The following PAMR1 variants were observed in gnomAD, a reference collection of about 807,000 sequenced individuals.
PAMR1 encodes the protein inactive serine protease PAMR1.
In PAMR1, 88 loss-of-function variants were observed where a neutral mutation model predicts 81.8. The ratio of observed to expected loss-of-function variants is 1.08; its 90% confidence interval spans 0.91 to 1.28. PAMR1 has a LOEUF of 1.28. Among genes scored for constraint, PAMR1 ranks in the 50% most tolerant of loss-of-function variants. The pLI, the probability that PAMR1 is intolerant of heterozygous loss-of-function variation, is 0.00. For missense variants in PAMR1, 935 were observed against 919.7 expected (o/e 1.02, Z -0.21); for synonymous variants, 336 against 345.3 (o/e 0.97, Z 0.30).
intron 1 of PAMR1, among the ~76,000 whole-genome samples, chr11:35,514,541 C>T (rs1377262864): frequency 6.6e-6 from 1 of 152,192 alleles, no homozygotes; most frequent in Non-Finnish European, 1.5e-5. Flanking sequence ...CTTGAAGGTG[C>T]CCCCAGTTGC....
At chr11:35,445,637 T>C (rs1390079971) in intron 6 of PAMR1, among the ~76,000 whole-genome samples, 1 of 152,240 alleles carries the variant, frequency 6.6e-6, no homozygotes, top group Non-Finnish European at 1.5e-5. Flanking sequence ...ATTATGTTTA[T>C]TGATTTGCAG....
chr11:35,505,972 C>T (rs900927223), intron 1 of PAMR1, among the ~76,000 whole-genome samples: 6 of 151,710 alleles, frequency 4.0e-5, no homozygotes, highest in South Asian at 2.1e-4. Context: ...GGGTTATTCT[C>T]GGGTAGTATG....
chr11:35,526,668 C>A (rs642410), upstream of PAMR1, among the ~76,000 whole-genome samples: 63,799 of 152,040 alleles, frequency 0.42, 13,607 homozygotes, highest in South Asian at 0.51. Context: ...TGAACCCGGG[C>A]AGCTTAGGCC....
At chr11:35,451,490 C>G (rs951931897) in intron 6 of PAMR1, among the ~76,000 whole-genome samples, 2 of 152,102 alleles carry the variant, frequency 1.3e-5, no homozygotes, top group Non-Finnish European at 2.9e-5. Context: ...GTAGTATTTC[C>G]TTCCTCACAA....
At chr11:35,469,891 G>A (rs12795640) in intron 5 of PAMR1, among the ~76,000 whole-genome samples, 17,073 of 152,116 alleles carry the variant, frequency 0.11, 1,085 homozygotes, top group Non-Finnish European at 0.16. Context: ...TGGGGTGATT[G>A]CTTAGGATTA....
chr11:35,481,140 A>G (rs1850382972), intron 3 of PAMR1, among the ~76,000 whole-genome samples: 1 of 152,138 alleles, frequency 6.6e-6, no homozygotes, highest in South Asian at 2.1e-4. Context: ...TGTCTTTGCT[A>G]TTGTAAATAG....
intron 1 of PAMR1, among the ~76,000 whole-genome samples, chr11:35,518,499 C>T (rs1030899448): frequency 6.6e-6 from 1 of 151,380 alleles, no homozygotes; most frequent in South Asian, 2.1e-4. Context: ...CAGAGTTTTC[C>T]AAGCTGTATT....
intron 1 of PAMR1, among the ~76,000 whole-genome samples, chr11:35,508,597 T>C (rs964213300): frequency 2.7e-5 from 4 of 150,510 alleles, no homozygotes; most frequent in African/African-American, 9.8e-5. Flanking sequence ...AGGTAAACTA[T>C]GTATCATGCA....
At chr11:35,481,387 T>G (rs1232282959) in intron 3 of PAMR1, among the ~76,000 whole-genome samples, 1 of 152,256 alleles carries the variant, frequency 6.6e-6, no homozygotes, top group Non-Finnish European at 1.5e-5. Context: ...GACTTTTTAA[T>G]AATCACCATT....
Position 35,432,377 on chromosome 11 carries a change from C to T in PAMR1, c.2142G>A (p.Trp714Ter). The change falls in exon 11 of 11, where the codon TGG (tryptophan) becomes TGA (stop). Residue 714 changes from tryptophan (W) to a stop codon, truncating the protein, a stop_gained. Coordinates refer to ENST00000619888, the MANE Select transcript of PAMR1 (RefSeq NM_001001991.3). LOFTEE classifies it high-confidence loss of function. ...AFTKVLPFKD[W>*]IERNMK ...TGGTTCATTTCATATTTCTTTCAATCCAGTCTTTAAAAGGCAGCACCTTGG... is the reference window on the plus strand; with the variant it reads ...TGGTTCATTTCATATTTCTTTCAATTCAGTCTTTAAAAGGCAGCACCTTGG... 6.2e-7 allele frequency: 1 copy of T among 1,612,526 alleles called. No homozygotes were observed. The highest frequency in any genetic ancestry group is 8.5e-7 in the Non-Finnish European group (1 of 1,179,870).
At chr11:35,474,878 T>C in intron 3 of PAMR1, 134 bp from the exon 4 acceptor site, 1 of 612,170 alleles carries the variant, frequency 1.6e-6, no homozygotes, top group South Asian at 2.0e-5. Context: ...AAGAAGGAAA[T>C]TAATGTTTCT....
At chr11:35,514,794 T>C (rs1017911785) in intron 1 of PAMR1, among the ~76,000 whole-genome samples, 1 of 152,170 alleles carries the variant, frequency 6.6e-6, no homozygotes, top group Non-Finnish European at 1.5e-5. Context: ...GAGACCAGCC[T>C]GGGCAACATA....
At chr11:35,469,712 C>G (rs560985171) in intron 5 of PAMR1, among the ~76,000 whole-genome samples, 2 of 152,290 alleles carry the variant, frequency 1.3e-5, no homozygotes, top group Admixed American at 6.5e-5. Context: ...ATTCAGCCAC[C>G]CACCTTCTTT....
chr11:35,471,696 G>C (rs1367061974), intron 4 of PAMR1, among the ~76,000 whole-genome samples: 3 of 152,134 alleles, frequency 2.0e-5, no homozygotes, highest in African/African-American at 7.2e-5. Context: ...TGAAAACACT[G>C]AGATACACCA....
At chr11:35,463,167 G>A (rs940701512) in intron 6 of PAMR1, among the ~76,000 whole-genome samples, 38 of 152,276 alleles carry the variant, frequency 2.5e-4, no homozygotes, top group African/African-American at 3.4e-4. Flanking sequence ...GATGAGAAGC[G>A]CGGGTCTCCC....
At chr11:35,488,952 A>T (rs1196393757) in intron 3 of PAMR1, among the ~76,000 whole-genome samples, 2 of 152,082 alleles carry the variant, frequency 1.3e-5, no homozygotes, top group African/African-American at 4.8e-5. Context: ...TACTGCCTTC[A>T]TCCTATGTGA....
intron 1 of PAMR1, among the ~76,000 whole-genome samples, chr11:35,498,044 C>T (rs1850759708): frequency 6.6e-6 from 1 of 152,150 alleles, no homozygotes; most frequent in South Asian, 2.1e-4. Flanking sequence ...ACTATGAATC[C>T]TGTGCAAGTT....
intron 2 of PAMR1, among the ~76,000 whole-genome samples, chr11:35,493,394 A>T (rs1419555232): frequency 6.6e-6 from 1 of 151,996 alleles, no homozygotes; most frequent in Admixed American, 6.6e-5. Flanking sequence ...CTCTCTCTTA[A>T]TCTTTTCTCA....
chr11:35,487,270 T>G (rs1850528868), intron 3 of PAMR1, among the ~76,000 whole-genome samples: 1 of 151,806 alleles, frequency 6.6e-6, no homozygotes, highest in South Asian at 2.1e-4. Context: ...AAGCTTCAAC[T>G]TAGAAACTCT....
Sources: allele counts gnomAD v4.1 joint callset (sites outside exome capture counted in the v4.1 genomes callset), GRCh38; gene constraint gnomAD v4.1.1; transcripts MANE v1.5; gene names NCBI Gene and HGNC (gene_info 2026-07-23, HGNC 2026-07-21).